GRID2: variants seen among roughly 807,000 people sequenced by gnomAD.
The protein encoded by GRID2 is glutamate receptor ionotropic, delta-2.
A neutral mutation model predicts 114.8 loss-of-function variants in GRID2; 33 were observed. That is an observed-to-expected ratio of 0.29 (90% CI 0.22 to 0.38). The LOEUF (loss-of-function observed/expected upper bound fraction) is 0.38, where lower values mean the gene tolerates loss of function less well. Among genes scored for constraint, GRID2 ranks in the 10% least tolerant of loss-of-function variants. The pLI is 1.00. For synonymous variants in GRID2, 505 were observed against 449.9 expected (o/e 1.12, Z -1.55); for missense variants, 1,184 against 1,257.7 (o/e 0.94, Z 0.89).
chr4:92,494,103 C>T (rs1723275475), intron 1 of GRID2, among the ~76,000 whole-genome samples: 1 of 152,062 alleles, frequency 6.6e-6, no homozygotes, highest in African/African-American at 2.4e-5. Flanking sequence ...AAACCAATTA[C>T]ATCTGCTATT....
chr4:93,163,350 T>TG (rs1158555437), intron 4 of GRID2, among the ~76,000 whole-genome samples: 2 of 60,246 alleles, frequency 3.3e-5, no homozygotes, highest in African/African-American at 9.4e-5. Context: ...CTGATTTTTT[T>TG]TTTGTGTATA....
chr4:92,412,491 A>G (rs904302438), intron 1 of GRID2, among the ~76,000 whole-genome samples: 5 of 151,992 alleles, frequency 3.3e-5, no homozygotes, highest in African/African-American at 1.2e-4. Context: ...TACAATATTG[A>G]TTTGTAATTT....
At chr4:93,666,510 T>C (rs1233319990) in intron 14 of GRID2, among the ~76,000 whole-genome samples, 3 of 152,058 alleles carry the variant, frequency 2.0e-5, no homozygotes, top group African/African-American at 7.2e-5. Flanking sequence ...ATAATTATTA[T>C]AAGCACCTGG....
At chr4:92,400,986 A>G (rs2110280685) in intron 1 of GRID2, among the ~76,000 whole-genome samples, 1 of 152,314 alleles carries the variant, frequency 6.6e-6, no homozygotes, top group Non-Finnish European at 1.5e-5. Flanking sequence ...TAACCTCAAT[A>G]TAAGTTGCTA....
intron 2 of GRID2, among the ~76,000 whole-genome samples, chr4:92,714,000 TATA>T (rs372510481): frequency 7.2e-5 from 11 of 152,162 alleles, no homozygotes; most frequent in African/African-American, 2.4e-4. Flanking sequence ...CTTAACACAT[TATA>T]ATATTAACTC....
rs1234987598 is a variant in GRID2 at position 92,602,145 on chromosome 4, C to G, written c.244+11859C>G. On this transcript the variant is annotated intron_variant, in intron 2 of 15. Transcript: ENST00000282020. The stretch of plus-strand genomic sequence containing the variant: ...CCAAACAATTGAAAAGGAGGGACTT[C>G]ACCCTAACTCATTTTATGAGGCCAG... 3.3e-5 allele frequency among the ~76,000 whole-genome samples: 5 copies of G among 150,100 alleles called. 1 individual carries two copies. The highest frequency in any genetic ancestry group is 1.2e-4 in the African/African-American group (5 of 40,678).
intron 8 of GRID2, among the ~76,000 whole-genome samples, chr4:93,261,960 G>A (rs1031491590): frequency 2.0e-5 from 3 of 151,212 alleles, no homozygotes; most frequent in Non-Finnish European, 4.4e-5. Context: ...AACCAAAATA[G>A]GCTCAAGGGC....
chr4:93,679,657 C>A lies in GRID2; in HGVS notation c.2360+53222C>A, dbSNP rs184467737. 2.7e-3 allele frequency among the ~76,000 whole-genome samples: 411 copies of A among 150,874 alleles called. 13 individuals are homozygous for A. The highest frequency in any genetic ancestry group is 8.4e-3 in the Admixed American group (127 of 15,172). ...AACCGCTCAACTACATGGAAACTGA[C>A]AGCCTGCTCCTGAATGACTACTGGG... On this transcript the variant is annotated intron_variant, in intron 14 of 15. Transcript: ENST00000282020.
At chr4:92,647,246 G>A (rs1367377734) in intron 2 of GRID2, among the ~76,000 whole-genome samples, 2 of 152,166 alleles carry the variant, frequency 1.3e-5, no homozygotes, top group Non-Finnish European at 2.9e-5. Flanking sequence ...TTTGTAAAGT[G>A]TTTGGAATGG....
chr4:93,742,724 A>G (rs1004622206), intron 14 of GRID2, among the ~76,000 whole-genome samples: 18 of 152,164 alleles, frequency 1.2e-4, no homozygotes, highest in African/African-American at 4.1e-4. Flanking sequence ...ACCTCAGTCA[A>G]TAAGTGTTAT....
rs189286439 is a variant in GRID2, at chr4:92,920,362, T to G, written c.245-164633T>G. Among the ~76,000 whole-genome samples the G allele has an allele frequency of 2.0e-4, 31 of 152,356 alleles. No individual in the cohort carries two copies. The East Asian group carries it at 5.6e-3, about 28-fold the overall frequency. The stretch of plus-strand genomic sequence containing the variant: ...TCCCATTTACATTTAAAATTCATAT[T>G]GTTATGTGTGAATTTGATCCTGTCA... On this transcript the variant is annotated intron_variant, in intron 2 of 15. Coordinates refer to ENST00000282020, the MANE Select transcript of GRID2 (RefSeq NM_001510.4).
In GRID2 at chr4:92,354,280, G is replaced by A. The variant is rs114067484; in HGVS notation, c.88+49536G>A. ...TTTAAGTTGACTTTTTCTGGTTTCA[G>A]CATTTACTTGGTTGCTGTGAACCTT... On this transcript the variant is annotated intron_variant, in intron 1 of 15. Transcript: ENST00000282020. Among the ~76,000 whole-genome samples the A allele has an allele frequency of 5.6e-3, 856 of 152,012 alleles. 11 individuals are homozygous for A. The highest frequency in any genetic ancestry group is 0.02 in the African/African-American group (814 of 41,486).
intron 14 of GRID2, among the ~76,000 whole-genome samples, chr4:93,719,398 A>G (rs7696797): frequency 0.04 from 6,018 of 152,138 alleles, 185 homozygotes; most frequent in African/African-American, 0.075. Flanking sequence ...ATTTCAATCC[A>G]AGGGACTTTT....
intron 10 of GRID2, among the ~76,000 whole-genome samples, 193 bp from the exon 11 acceptor site, chr4:93,455,468 GC>G (rs1723092463): frequency 6.6e-6 from 1 of 152,076 alleles, no homozygotes; most frequent in Non-Finnish European, 1.5e-5. Flanking sequence ...CTCTGGTGGG[GC>G]AAGATTTTCA....
intron 1 of GRID2, among the ~76,000 whole-genome samples, chr4:92,572,564 C>A (rs1044100174): frequency 6.6e-6 from 1 of 152,102 alleles, no homozygotes; most frequent in African/African-American, 2.4e-5. Context: ...ATACCAAAGC[C>A]TGGCAGAGAT....
chr4:93,012,837 A>G (rs1014695217), intron 2 of GRID2, among the ~76,000 whole-genome samples: 2 of 152,204 alleles, frequency 1.3e-5, no homozygotes, highest in Non-Finnish European at 2.9e-5. Flanking sequence ...AATTTATTAT[A>G]GCTGAGCCAG....
intron 4 of GRID2, among the ~76,000 whole-genome samples, chr4:93,124,631 T>A (rs548831991): frequency 2.0e-5 from 3 of 152,182 alleles, no homozygotes; most frequent in Non-Finnish European, 4.4e-5. Context: ...AAATACTTAC[T>A]GACAAAATCA....
chr4:93,284,798 A>T (rs890500193), intron 8 of GRID2, among the ~76,000 whole-genome samples: 1 of 101,092 alleles, frequency 9.9e-6, no homozygotes, highest in Non-Finnish European at 2.4e-5. Flanking sequence ...AATAAAGAAC[A>T]TATTTTATTA....
intron 8 of GRID2, among the ~76,000 whole-genome samples, chr4:93,254,166 G>A (rs1027009809): frequency 1.3e-5 from 2 of 151,874 alleles, no homozygotes; most frequent in African/African-American, 4.8e-5. Context: ...TGCAAAAAAT[G>A]GCTTTTACTT....
Sources: gnomAD v4.1 joint callset for allele counts (sites outside exome capture counted in the v4.1 genomes callset) on GRCh38, gnomAD v4.1.1 for gene constraint, MANE v1.5 for transcripts, NCBI Gene and HGNC (gene_info 2026-07-23, HGNC 2026-07-21) for gene names.